ATP1A4: variants seen among roughly 807,000 people sequenced by gnomAD.
ATP1A4 encodes sodium/potassium-transporting ATPase subunit alpha-4.
ATP1A4 carries 90 observed loss-of-function variants against 114.3 expected under a neutral mutation model. The observed-to-expected ratio is 0.79, with a 90% CI of 0.66 to 0.94. The LOEUF is 0.94. Ranked by LOEUF, ATP1A4 falls within the 40% of genes least tolerant of loss-of-function variation. The pLI is 0.00. For synonymous variants in ATP1A4, 511 were observed against 494.1 expected, an observed-to-expected ratio of 1.03 and a Z score of -0.45; for missense variants, 1,222 against 1,313.6, an observed-to-expected ratio of 0.93 and a Z score of 1.08.
rs1653247127 is a variant in ATP1A4, at chr1:160,171,338, A to G, written c.1579A>G (p.Thr527Ala). Residue 527 changes from threonine to alanine, a missense_variant, in exon 11 of 22, where the codon ACC becomes GCC. Physicochemically the swap from Thr to Ala is moderately conservative, Grantham distance 58 (BLOSUM62 0). Transcript: ENST00000368081. ...APERILEFCS[T>A]FLLNGQEYSM... ...GGAGAGGATCTTGGAGTTTTGTTCT[A>G]CCTTTCTTCTGAATGGGCAGGAGTA... 1.2e-6 allele frequency: 2 copies of G among 1,614,058 alleles called. No individual in the cohort carries two copies. The highest frequency in any genetic ancestry group is 1.1e-5 in the South Asian group (1 of 91,078).
chr1:160,185,476 G>T (rs1457493302), intron 20 of ATP1A4, among the ~76,000 whole-genome samples: 1 of 152,016 alleles, frequency 6.6e-6, no homozygotes, highest in Non-Finnish European at 1.5e-5. Flanking sequence ...AATCCCACAG[G>T]ATTTGACCTC....
rs773940781 is a variant in ATP1A4, at chr1:160,181,760, C to A, written c.2813C>A (p.Ala938Glu). 4 of 1,613,942 alleles carry A rather than the reference C, an allele frequency of 2.5e-6. No homozygotes were observed. Among genetic ancestry groups the A allele is most frequent in the East Asian group, 2.2e-5 (1 of 44,864 alleles). ...GTCACCATCGTGGTTGTGCAGTGGG[C>A]GGATCTCATCATCTCCAAGACTCGC... is the stretch of plus-strand genomic sequence containing the variant. Reference protein sequence around the residue: ...FFVTIVVVQWADLIISKTRRN... With the variant: ...FFVTIVVVQWEDLIISKTRRN... The change falls in exon 19 of 22, where the codon GCG becomes GAG. Residue 938 changes from alanine to glutamate, a missense_variant. By Grantham distance (107) the Ala-to-Glu change is moderately radical. Coordinates refer to ENST00000368081, the MANE Select transcript of ATP1A4 (RefSeq NM_144699.4).
intron 18 of ATP1A4, among the ~76,000 whole-genome samples, chr1:160,179,557 C>A (rs1653606244): frequency 6.6e-6 from 1 of 152,184 alleles, no homozygotes; most frequent in African/African-American, 2.4e-5. Flanking sequence ...TTCAGATAAT[C>A]TGGTATAGAG....
chr1:160,151,832 C>T lies in ATP1A4; in HGVS notation c.-209C>T. On this transcript the variant is annotated 5_prime_UTR_variant, in exon 1 of 22. Coordinates refer to ENST00000368081, the MANE Select transcript of ATP1A4 (RefSeq NM_144699.4). The stretch of plus-strand genomic sequence containing the variant: ...CCCAGCGGACGGCTGGAGGACCGCT[C>T]AGTCTCTCCTCTCTCACTTCCCTTC... 1 of 524,946 alleles carries T rather than the reference C, an allele frequency of 1.9e-6. No homozygotes were observed. Among genetic ancestry groups the T allele is most frequent in the South Asian group, 3.4e-5 (1 of 29,212 alleles). The allele number at this position is 524,946 out of a possible 1,614,324, so 32.5% of individuals were successfully genotyped here. A position where few individuals can be genotyped will look rare whatever the true frequency, so the allele number is the denominator to read the frequency against.
intron 16 of ATP1A4, 30 bp from the exon 17 acceptor site, chr1:160,176,449 C>T: frequency 6.2e-7 from 1 of 1,613,194 alleles, no homozygotes; most frequent in Non-Finnish European, 8.5e-7. Flanking sequence ...AACTTTGTGA[C>T]CCCTGTCATC....
chr1:160,159,676 G>T, intron 6 of ATP1A4, 150 bp downstream of exon 6: 2 of 643,810 alleles, frequency 3.1e-6, no homozygotes, highest in Admixed American at 3.0e-5. Context: ...CTGGTGAAAG[G>T]TCAAGGTCAT....
At chr1:160,168,261 A>G (rs1365885459) in intron 10 of ATP1A4, among the ~76,000 whole-genome samples, 1 of 151,230 alleles carries the variant, frequency 6.6e-6, no homozygotes, top group African/African-American at 2.4e-5. Context: ...GGCAATCATG[A>G]TTTGCTCAGG....
In ATP1A4 at chr1:160,186,696, C is replaced by T; in HGVS notation, c.3087C>T (p.Tyr1029=). The T allele has an allele frequency of 6.2e-7, 1 of 1,610,972 alleles. No homozygotes were observed. The highest frequency in any genetic ancestry group is 1.1e-5 in the South Asian group (1 of 90,198). The change falls in exon 22 of 22, where the codon TAC becomes TAT. Residue 1029 remains tyrosine, a synonymous_variant. Transcript: ENST00000368081. ...PDGWVERETY[Y] is the part of the protein sequence containing the mutation. ...GCTGGGTGGAAAGGGAGACGTACTACTAAACTCAGCAGATGAAGAGCTTCA... is the reference window on the plus strand; with the variant it reads ...GCTGGGTGGAAAGGGAGACGTACTATTAAACTCAGCAGATGAAGAGCTTCA...
Position 160,167,403 on chromosome 1 carries a change from C to A in ATP1A4, c.1482C>A (p.Asn494Lys), listed in dbSNP as rs1183686044. 1 of 1,612,806 alleles carries A rather than the reference C, an allele frequency of 6.2e-7. No individual in the cohort carries two copies. The highest frequency in any genetic ancestry group is 1.7e-5 in the Admixed American group (1 of 59,380). The change falls in exon 10 of 22, where the codon AAC becomes AAA. Residue 494 changes from asparagine to lysine, a missense_variant. By Grantham distance (94) the Asn-to-Lys change is moderately conservative. Coordinates refer to ENST00000368081, the MANE Select transcript of ATP1A4 (RefSeq NM_144699.4). ...KVAEIPFNST[N>K]KYQMSIHLRE... ...CAGAGATTCCCTTTAATTCTACCAA[C>A]AAGTACCAGGTACAGAACCCACAAA...
At chr1:160,157,048 C>G (rs78931655) in intron 4 of ATP1A4, among the ~76,000 whole-genome samples, 1 of 151,992 alleles carries the variant, frequency 6.6e-6, no homozygotes, top group African/African-American at 2.4e-5. Context: ...AGATTGCATG[C>G]CATTGCACTC....
chr1:160,156,245 C>T, intron 4 of ATP1A4, 87 bp downstream of exon 4: 12 of 923,764 alleles, frequency 1.3e-5, no homozygotes, highest in Non-Finnish European at 2.1e-5. Flanking sequence ...AAATTATATC[C>T]TATGATAAGT....
chr1:160,159,012 T>C lies in ATP1A4; in HGVS notation c.536T>C (p.Val179Ala), dbSNP rs774686738. The C allele has an allele frequency of 1.2e-6, 2 of 1,613,804 alleles. No individual in the cohort carries two copies. Among genetic ancestry groups the C allele is most frequent in the South Asian group, 1.1e-5 (1 of 91,032 alleles). ...FKNMVPQQAL[V>A]IRGGEKMQIN... ...ACTATCCTCTCATAGCAAGCTCTGG[T>C]AATTCGAGGAGGAGAGAAGATGCAA... The change falls in exon 5 of 22, where the codon GTA becomes GCA. Residue 179 changes from valine to alanine, a missense_variant. By Grantham distance (64) the Val-to-Ala change is moderately conservative. Transcript: ENST00000368081.
intron 20 of ATP1A4, among the ~76,000 whole-genome samples, 190 bp from the exon 21 acceptor site, chr1:160,186,086 C>CAAAAAAAAAAA (rs527303426): frequency 0.023 from 738 of 32,766 alleles, 149 homozygotes; most frequent in African/African-American, 0.073. Flanking sequence ...GACTCTGTCG[C>CAAAAAAAAAAA]AAAAAAAAAA....
Position 160,174,481 on chromosome 1 carries a change from A to C in ATP1A4, c.2143-98A>C, listed in dbSNP as rs970630060. The C allele has an allele frequency of 7.9e-6, 12 of 1,523,196 alleles. No homozygotes were observed. The South Asian group carries it at 1.5e-4, about 20-fold the overall frequency. 94.4% of individuals were successfully genotyped at this position (1,523,196 alleles called of 1,614,324 possible). A position where few individuals can be genotyped will look rare whatever the true frequency, so the allele number is the denominator to read the frequency against. ...GGAGCCCTAAATCAAGCATGATTAC[A>C]TCAGGAAACAAGGGATGCAGAAAGC... On this transcript the variant is annotated intron_variant, in intron 14 of 21. Coordinates refer to ENST00000368081, the MANE Select transcript of ATP1A4 (RefSeq NM_144699.4).
At chr1:160,177,324 G>A in intron 17 of ATP1A4, 195 bp from the exon 18 acceptor site, 1 of 544,560 alleles carries the variant, frequency 1.8e-6, no homozygotes, top group Admixed American at 3.2e-5. Context: ...ACAAATGTCA[G>A]GGCTTGAAGG....
chr1:160,163,405 C>A (rs570970554), intron 6 of ATP1A4, among the ~76,000 whole-genome samples: 1 of 152,180 alleles, frequency 6.6e-6, no homozygotes, highest in Admixed American at 6.5e-5. Flanking sequence ...TAGGTTATGG[C>A]CTGGCTATAA....
At chr1:160,175,505 C>T (rs1186394346) in intron 15 of ATP1A4, among the ~76,000 whole-genome samples, 5 of 151,970 alleles carry the variant, frequency 3.3e-5, no homozygotes, top group Admixed American at 6.6e-5. Context: ...AATCCCTGCC[C>T]TCGTGTAACT....
chr1:160,175,823 G>A (rs918178018), intron 15 of ATP1A4, among the ~76,000 whole-genome samples: 21 of 152,072 alleles, frequency 1.4e-4, no homozygotes, highest in Non-Finnish European at 5.9e-5. Context: ...CTCAAACATC[G>A]CAGGATTAAC....
chr1:160,171,029 G>C, intron 10 of ATP1A4: 1 of 457,622 alleles, frequency 2.2e-6, no homozygotes, highest in East Asian at 3.3e-5. Flanking sequence ...AGGCTGAGAA[G>C]ATAATGGAGA....
Sources: gnomAD v4.1 joint callset for allele counts (sites outside exome capture counted in the v4.1 genomes callset) on GRCh38, gnomAD v4.1.1 for gene constraint, MANE v1.5 for transcripts, NCBI Gene and HGNC (gene_info 2026-07-23, HGNC 2026-07-21) for gene names.